CMPK1: variants seen among roughly 807,000 people sequenced by gnomAD.
The protein encoded by CMPK1 is UMP-CMP kinase.
A neutral mutation model predicts 25.7 loss-of-function variants in CMPK1; 10 were observed. The observed-to-expected ratio is 0.39, with a 90% CI of 0.24 to 0.66. CMPK1 has a LOEUF of 0.66. CMPK1 is among the 30% of genes least tolerant of loss of function. The pLI, the probability that CMPK1 is intolerant of heterozygous loss-of-function variation, is 0.48. For synonymous variants in CMPK1, 106 were observed against 101.5 expected (o/e 1.04, Z -0.27); for missense variants, 199 against 280.5 (o/e 0.71, Z 2.08).
intron 1 of CMPK1, among the ~76,000 whole-genome samples, chr1:47,367,112 C>T (rs1646644773): frequency 6.6e-6 from 1 of 152,168 alleles, no homozygotes; most frequent in African/African-American, 2.4e-5. Context: ...CTCAAGCCAT[C>T]CTTCTGCATC....
intron 5 of CMPK1, among the ~76,000 whole-genome samples, chr1:47,375,905 A>G (rs1026907058): frequency 5.9e-5 from 9 of 152,318 alleles, no homozygotes; most frequent in African/African-American, 2.2e-4. Context: ...TTATAGTCAT[A>G]AGATAAAAAA....
At chr1:47,365,920 A>C (rs1202854082) in intron 1 of CMPK1, among the ~76,000 whole-genome samples, 2 of 151,956 alleles carry the variant, frequency 1.3e-5, no homozygotes, top group Non-Finnish European at 2.9e-5. Flanking sequence ...TAGGTCAGGC[A>C]TGGTGGCTCA....
chr1:47,359,309 T>TC (rs1646584993), intron 1 of CMPK1, among the ~76,000 whole-genome samples: 1 of 149,590 alleles, frequency 6.7e-6, no homozygotes, highest in Non-Finnish European at 1.5e-5. Flanking sequence ...AGAGGGAGAC[T>TC]CCATCTCTAA....
At chr1:47,343,778 T>C (rs1646462360) in intron 1 of CMPK1, among the ~76,000 whole-genome samples, 1 of 151,456 alleles carries the variant, frequency 6.6e-6, no homozygotes, top group African/African-American at 2.4e-5. Flanking sequence ...GTCCAGCTAC[T>C]CAGGAGGCTG....
intron 1 of CMPK1, among the ~76,000 whole-genome samples, chr1:47,346,692 C>G (rs1298461485): frequency 6.6e-6 from 1 of 151,916 alleles, no homozygotes; most frequent in East Asian, 1.9e-4. Flanking sequence ...TTAGTAGAGA[C>G]GGGGTTTCAC....
intron 1 of CMPK1, among the ~76,000 whole-genome samples, chr1:47,342,241 C>T (rs879765637): frequency 6.6e-6 from 1 of 152,046 alleles, no homozygotes; most frequent in African/African-American, 2.4e-5. Context: ...GCCACCACAC[C>T]TGGCTAATTT....
At chr1:47,347,560 A>G (rs1427121262) in intron 1 of CMPK1, among the ~76,000 whole-genome samples, 2 of 152,166 alleles carry the variant, frequency 1.3e-5, no homozygotes, top group Non-Finnish European at 2.9e-5. Flanking sequence ...AGCCCATAAA[A>G]TCAGCCTCAC....
At chr1:47,339,535 A>G (rs1646423608) in intron 1 of CMPK1, among the ~76,000 whole-genome samples, 1 of 152,134 alleles carries the variant, frequency 6.6e-6, no homozygotes, top group Admixed American at 6.6e-5. Flanking sequence ...TTATTGAATT[A>G]TAAGTTGAAT....
At chr1:47,359,838 T>G (rs537506965) in intron 1 of CMPK1, among the ~76,000 whole-genome samples, 2 of 152,258 alleles carry the variant, frequency 1.3e-5, no homozygotes, top group African/African-American at 4.8e-5. Flanking sequence ...TAAGGAGAAG[T>G]AGGAGAGGCT....
chr1:47,335,405 G>A (rs1249255489), intron 1 of CMPK1, among the ~76,000 whole-genome samples: 1 of 152,084 alleles, frequency 6.6e-6, no homozygotes, highest in Admixed American at 6.6e-5. Context: ...TTGGGAGGCC[G>A]AGGCTGGCGG....
chr1:47,349,107 T>C (rs1260449984), intron 1 of CMPK1, among the ~76,000 whole-genome samples: 2 of 152,326 alleles, frequency 1.3e-5, no homozygotes, highest in East Asian at 1.9e-4. Flanking sequence ...CAAATATGCC[T>C]AGCTTTCTGT....
At chr1:47,339,701 C>CT (rs71053104) in intron 1 of CMPK1, among the ~76,000 whole-genome samples, 33,108 of 108,062 alleles carry the variant, frequency 0.31, 5,870 homozygotes, top group Non-Finnish European at 0.38. Flanking sequence ...TCTTCCTTTC[C>CT]TTTTTTTTTT....
intron 1 of CMPK1, among the ~76,000 whole-genome samples, chr1:47,348,170 C>G (rs1008991365): frequency 2.6e-5 from 4 of 152,098 alleles, no homozygotes. Context: ...AGAAATCAAT[C>G]TAGTAGTGGG....
chr1:47,350,735 A>G (rs1646517068), intron 1 of CMPK1, among the ~76,000 whole-genome samples: 1 of 152,024 alleles, frequency 6.6e-6, no homozygotes, highest in Non-Finnish European at 1.5e-5. Context: ...TCTACTAAAA[A>G]TGCAAAAAAA....
intron 1 of CMPK1, among the ~76,000 whole-genome samples, chr1:47,342,649 CTTTTTT>C (rs11334963): frequency 2.6e-5 from 3 of 116,428 alleles, no homozygotes; most frequent in South Asian, 3.0e-4. Context: ...TCTCTTTTTT[CTTTTTT>C]TTTTTTTTTT....
At chr1:47,345,380 A>G (rs1646475220) in intron 1 of CMPK1, among the ~76,000 whole-genome samples, 2 of 152,148 alleles carry the variant, frequency 1.3e-5, no homozygotes, top group Admixed American at 1.3e-4. Context: ...TTAAGTAAGT[A>G]ATTAGGTCTA....
chr1:47,354,899 C>T (rs758433635), intron 1 of CMPK1, among the ~76,000 whole-genome samples: 3 of 152,006 alleles, frequency 2.0e-5, no homozygotes, highest in Non-Finnish European at 4.4e-5. Context: ...ATAATTTGCC[C>T]AAGACTGAAC....
intron 2 of CMPK1, among the ~76,000 whole-genome samples, chr1:47,369,736 A>G (rs1646663780): frequency 6.8e-6 from 1 of 146,566 alleles, no homozygotes; most frequent in African/African-American, 2.5e-5. Flanking sequence ...TAATTTTTGT[A>G]TTTTTAATAG....
At chr1:47,355,858 GCCTCCCAAAGTGCTGGGATTAC>G (rs1418275239) in intron 1 of CMPK1, among the ~76,000 whole-genome samples, 2 of 152,108 alleles carry the variant, frequency 1.3e-5, no homozygotes, top group Admixed American at 1.3e-4. Flanking sequence ...GCCCACCTCA[GCCTCCCAAAGTGCTGGGATTAC>G]AGGTGTGAGC....
Sources: allele counts gnomAD v4.1 joint callset (sites outside exome capture counted in the v4.1 genomes callset), GRCh38; gene constraint gnomAD v4.1.1; transcripts MANE v1.5; gene names NCBI Gene and HGNC (gene_info 2026-07-23, HGNC 2026-07-21).